Variants in HCN3 observed in about 807,000 individuals in gnomAD.
HCN3 encodes potassium/sodium hyperpolarization-activated cyclic nucleotide-gated channel 3.
In HCN3, 36 loss-of-function variants were observed where a neutral mutation model predicts 56.8. The observed-to-expected ratio is 0.63, with a 90% confidence interval of 0.49 to 0.84. The LOEUF is 0.84. Ranked by LOEUF, HCN3 falls within the 40% of genes least tolerant of loss-of-function variation. The pLI, the probability that HCN3 is intolerant of heterozygous loss-of-function variation, is 0.00. For synonymous variants in HCN3, 425 were observed against 439.7 expected, an observed-to-expected ratio of 0.97 and a Z score of 0.42; for missense variants, 930 against 1,079.3, an observed-to-expected ratio of 0.86 and a Z score of 1.94.
chr1:155,283,658 C>G (rs1674163861), intron 2 of HCN3, among the ~76,000 whole-genome samples: 1 of 150,322 alleles, frequency 6.7e-6, no homozygotes, highest in South Asian at 2.1e-4. Flanking sequence ...AATGCCCTCT[C>G]TCTTTTCTAG....
chr1:155,278,036 C>T (rs1384776185), intron 1 of HCN3, among the ~76,000 whole-genome samples, 168 bp downstream of exon 1: 4 of 152,018 alleles, frequency 2.6e-5, no homozygotes, highest in Non-Finnish European at 2.9e-5. Context: ...AATTCCTGGG[C>T]GGGTATCCCC....
In HCN3 at chr1:155,282,879, GA is replaced by G; in HGVS notation, c.708+40del. On this transcript the variant is annotated intron_variant, in intron 2 of 7. Transcript: ENST00000368358. The surrounding 1 kb of genome is among the most constrained non-coding windows in gnomAD (Gnocchi z 4.7). ...ATGGCGGGCGGGGCAGTGGGTGGGGGATGTTGGGGGAGAAGGGGGCGGGGCG... is the reference window on the plus strand; with the variant it reads ...ATGGCGGGCGGGGCAGTGGGTGGGGGTGTTGGGGGAGAAGGGGGCGGGGCG... 1.9e-6 allele frequency: 1 copy of G among 522,366 alleles called. No individual in the cohort carries two copies. Among genetic ancestry groups the G allele is most frequent in the Non-Finnish European group, 3.6e-6 (1 of 279,382 alleles). The allele number at this position is 522,366 out of a possible 1,614,324, so 32.4% of individuals were successfully genotyped here. A position where few individuals can be genotyped will look rare whatever the true frequency, so the allele number is the denominator to read the frequency against.
rs759177173 is a variant in HCN3 at position 155,282,776 on chromosome 1, T to C, written c.644T>C (p.Ile215Thr). ...RALRIVRFTK[I>T]LSLLRLLRLS... ...CTACGCATCGTTCGCTTCACCAAGATCCTAAGCCTGCTGAGGCTGCTCCGC... is the reference window on the plus strand; with the variant it reads ...CTACGCATCGTTCGCTTCACCAAGACCCTAAGCCTGCTGAGGCTGCTCCGC... The change falls in exon 2 of 8, where the codon ATC becomes ACC. Residue 215 changes from isoleucine to threonine, a missense_variant. Transcript: ENST00000368358. This position sits in a 1 kb window ranked among gnomAD's most constrained non-coding sequence, Gnocchi z 4.7. The C allele has an allele frequency of 6.2e-7, 1 of 1,613,442 alleles. No homozygotes were observed. Among genetic ancestry groups the C allele is most frequent in the East Asian group, 2.2e-5 (1 of 44,838 alleles).
intron 1 of HCN3, among the ~76,000 whole-genome samples, chr1:155,278,194 C>G (rs975334728): frequency 1.3e-5 from 2 of 152,186 alleles, no homozygotes; most frequent in African/African-American, 4.8e-5. Context: ...GGACCCCTGC[C>G]TCCTCCAGTC....
rs1674446390 is a variant in HCN3 at position 155,289,556 on chromosome 1, G to GC, written c.*1093_*1094insC. 2 of 152,452 alleles carry GC rather than the reference G, an allele frequency of 1.3e-5. No individual in the cohort carries two copies. Among genetic ancestry groups the GC allele is most frequent in the Non-Finnish European group, 2.9e-5 (2 of 68,146 alleles). 9.4% of individuals were successfully genotyped at this position (152,452 alleles called of 1,614,324 possible). A position where few individuals can be genotyped will look rare whatever the true frequency, so the allele number is the denominator to read the frequency against. On this transcript the variant is annotated 3_prime_UTR_variant, in exon 8 of 8. Coordinates refer to ENST00000368358, the MANE Select transcript of HCN3 (RefSeq NM_020897.3). Reference sequence around the variant, plus strand: ...GCGTTTACCTTTAGAGTTTTGTTTTGTTTTTTCCTTCTGAGTTTGCTGTTG... The same window carrying GC: ...GCGTTTACCTTTAGAGTTTTGTTTTGCTTTTTTCCTTCTGAGTTTGCTGTTG...
chr1:155,280,264 T>TTTCA (rs112169194), intron 1 of HCN3, among the ~76,000 whole-genome samples: 5 of 148,296 alleles, frequency 3.4e-5, no homozygotes, highest in African/African-American at 1.3e-4. Flanking sequence ...TATTTATTTA[T>TTTCA]TTTATTTATT....
chr1:155,286,061 A>G, intron 6 of HCN3, 97 bp downstream of exon 6: 1 of 1,466,808 alleles, frequency 6.8e-7, no homozygotes, highest in East Asian at 2.3e-5. Context: ...ACGCTGCAGA[A>G]TCACAGAGCT....
chr1:155,281,814 G>A (rs956753615), intron 1 of HCN3, among the ~76,000 whole-genome samples: 2 of 151,906 alleles, frequency 1.3e-5, no homozygotes, highest in Admixed American at 6.6e-5. Context: ...ACAGGGTCTC[G>A]CTCTGTCAGT....
At position 155,282,440 on chromosome 1, in the gene HCN3, T is replaced by C. The variant is rs754113276; in HGVS notation, c.308T>C (p.Leu103Pro). ...RFYWDLIMLL[L>P]MVGNLIVLPV... ...TACTGGGACCTGATCATGCTGCTGC[T>C]GATGGTGGGGAACCTCATCGTCCTG... The change falls in exon 2 of 8, where the codon CTG (leucine) becomes CCG (proline). Residue 103 changes from leucine to proline, a missense_variant. Transcript: ENST00000368358. This position sits in a 1 kb window ranked among gnomAD's most constrained non-coding sequence, Gnocchi z 4.7. 19 of 1,614,274 alleles carry C rather than the reference T, an allele frequency of 1.2e-5. No individual in the cohort carries two copies. Among genetic ancestry groups the C allele is most frequent in the Non-Finnish European group, 1.5e-5 (18 of 1,180,046 alleles).
rs1674385075 is a variant in HCN3 at position 155,288,271 on chromosome 1, ACT to A, written c.2137_2138del (p.Ala714LeufsTer18). On this transcript the variant is annotated frameshift_variant, in exon 8 of 8. Transcript: ENST00000368358. LOFTEE classifies it high-confidence loss of function. The surrounding 1 kb of genome is among the most constrained non-coding windows in gnomAD (Gnocchi z 6.5). ...GRRLGPRGRP[L>X]SASQPSLPQR... ...GGCGGCTAGGACCTCGGGGCCGCCCACTCTCAGCCTCCCAACCCTCTCTGCCT... is the reference window on the plus strand; with the variant it reads ...GGCGGCTAGGACCTCGGGGCCGCCCACTCAGCCTCCCAACCCTCTCTGCCT... The A allele has an allele frequency of 6.2e-7, 1 of 1,605,956 alleles. No individual in the cohort carries two copies. Among genetic ancestry groups the A allele is most frequent in the Admixed American group, 1.7e-5 (1 of 58,944 alleles).
intron 1 of HCN3, among the ~76,000 whole-genome samples, chr1:155,279,140 C>T (rs1225775892): frequency 6.6e-6 from 1 of 152,202 alleles, no homozygotes; most frequent in African/African-American, 2.4e-5. Context: ...GAGGAAGTTT[C>T]TTTCAGGGCT....
rs1164607941 is a variant in HCN3 at position 155,277,847 on chromosome 1, T to A, written c.257T>A (p.Ile86Asn). 1 of 1,611,932 alleles carries A rather than the reference T, an allele frequency of 6.2e-7. No individual in the cohort carries two copies. Among genetic ancestry groups the A allele is most frequent in the East Asian group, 2.2e-5 (1 of 44,888 alleles). ...GTGAAGTCAGCGGGGGCCTGGATCA[T>A]CCACCCCTACAGCGACTTCCGGTAT... ...ERVKSAGAWI[I>N]HPYSDFRFYW... Residue 86 changes from isoleucine to asparagine, a missense_variant, in exon 1 of 8, where the codon ATC (isoleucine) becomes AAC (asparagine). Physicochemically the swap from Ile to Asn is moderately radical, Grantham distance 149. Transcript: ENST00000368358.
chr1:155,287,629 C>A, intron 7 of HCN3, 152 bp from the exon 8 acceptor site: 1 of 1,058,266 alleles, frequency 9.4e-7, no homozygotes, highest in Non-Finnish European at 1.3e-6. Context: ...CAACCCCCAT[C>A]TCAACCCCCA....
Position 155,284,079 on chromosome 1 carries a change from G to A in HCN3, c.814G>A (p.Val272Met). Reference sequence around the variant, plus strand: ...CTGGGATGGCTGTCTGCAGTTCCTGGTGCCCATGCTGCAGGACTTCCCTCC... The same window carrying A: ...CTGGGATGGCTGTCTGCAGTTCCTGATGCCCATGCTGCAGGACTTCCCTCC... ...CHWDGCLQFL[V>M]PMLQDFPPDC... Residue 272 changes from valine to methionine, a missense_variant, in exon 3 of 8, where the codon GTG (valine) becomes ATG (methionine). Transcript: ENST00000368358. This position sits in a 1 kb window ranked among gnomAD's most constrained non-coding sequence, Gnocchi z 4.3. The A allele has an allele frequency of 6.2e-7, 1 of 1,614,126 alleles. No homozygotes were observed. Among genetic ancestry groups the A allele is most frequent in the Non-Finnish European group, 8.5e-7 (1 of 1,180,012 alleles).
chr1:155,287,590 C>G (rs557458368), intron 7 of HCN3, among the ~76,000 whole-genome samples, 191 bp from the exon 8 acceptor site: 1 of 151,970 alleles, frequency 6.6e-6, no homozygotes, highest in African/African-American at 2.4e-5. Context: ...CCCTGACCCT[C>G]GCTGTCTCTG....
Position 155,284,402 on chromosome 1 carries a change from C to A in HCN3, c.871-137C>A. The A allele has an allele frequency of 9.4e-7, 1 of 1,062,428 alleles. No individual in the cohort carries two copies. The highest frequency in any genetic ancestry group is 1.3e-6 in the Non-Finnish European group (1 of 755,284). The allele number at this position is 1,062,428 out of a possible 1,614,324, so 65.8% of individuals were successfully genotyped here. On this transcript the variant is annotated intron_variant, in intron 3 of 7. Coordinates refer to ENST00000368358, the MANE Select transcript of HCN3 (RefSeq NM_020897.3). The surrounding 1 kb of genome is among the most constrained non-coding windows in gnomAD (Gnocchi z 4.3). The stretch of plus-strand genomic sequence containing the variant: ...CCTTTTGCCTCAGGGCCCCCCAGAA[C>A]CAAACTTAAGTGCCTGCCAGGAGGA...
At chr1:155,283,212 A>G (rs1026239226) in intron 2 of HCN3, among the ~76,000 whole-genome samples, 1 of 152,090 alleles carries the variant, frequency 6.6e-6, no homozygotes. Flanking sequence ...CTGCAGTCTC[A>G]TTGTCTTTGG....
In HCN3 at chr1:155,277,603, C is replaced by G. The variant is rs759463300; in HGVS notation, c.13C>G (p.Gln5Glu). Residue 5 changes from glutamine to glutamate, a missense_variant, in exon 1 of 8, where the codon CAG becomes GAG. Transcript: ENST00000368358. ...CGGGGTGGGCGCCATGGAGGCAGAG[C>G]AGCGGCCGGCGGCGGGGGCCAGCGA... MEAE[Q>E]RPAAGASEGA... 98 of 1,560,140 alleles carry G rather than the reference C, an allele frequency of 6.3e-5. No individual in the cohort carries two copies. The highest frequency in any genetic ancestry group is 1.6e-5 in the Non-Finnish European group (18 of 1,153,620).
In HCN3 at chr1:155,285,666, G is replaced by A. The variant is rs978952533; in HGVS notation, c.1237-58G>A. The A allele has an allele frequency of 3.1e-5, 50 of 1,599,026 alleles. No homozygotes were observed. Among genetic ancestry groups the A allele is most frequent in the Middle Eastern group, 1.9e-4 (1 of 5,396 alleles). On this transcript the variant is annotated intron_variant, in intron 5 of 7. Transcript: ENST00000368358. This position sits in a 1 kb window ranked among gnomAD's most constrained non-coding sequence, Gnocchi z 4.5. ...GGGGTTTCTGGAAGCGGATGAGCTC[G>A]GTGGGATCATCTCAGGTCAGGGGCA...
Sources: gnomAD v4.1 joint callset for allele counts (sites outside exome capture counted in the v4.1 genomes callset) on GRCh38, gnomAD v4.1.1 for gene constraint, Gnocchi (gnomAD v3.1) non-coding constraint, MANE v1.5 for transcripts, NCBI Gene and HGNC (gene_info 2026-07-23, HGNC 2026-07-21) for gene names.